CHSY3: variants seen among roughly 807,000 people sequenced by gnomAD.
CHSY3 encodes chondroitin sulfate synthase 3, also known as N-acetylgalactosaminyl-proteoglycan 3-beta-glucuronosyltransferase 3.
A neutral mutation model predicts 67.2 loss-of-function variants in CHSY3; 35 were observed. The observed-to-expected ratio is 0.52, with a 90% CI of 0.40 to 0.69. The LOEUF (loss-of-function observed/expected upper bound fraction) is 0.69. Ranked by LOEUF, CHSY3 falls within the 30% of genes least tolerant of loss-of-function variation. The pLI is 0.00. For missense variants in CHSY3, 1,069 were observed against 1,138.5 expected, an observed-to-expected ratio of 0.94 and a Z score of 0.88; for synonymous variants, 474 against 434.7, an observed-to-expected ratio of 1.09 and a Z score of -1.12.
At chr5:129,904,291 G>A (rs1335965165), upstream of CHSY3, among the ~76,000 whole-genome samples, 1 of 151,954 alleles carries the variant, frequency 6.6e-6, no homozygotes, top group Non-Finnish European at 1.5e-5. Context: ...GACGGGGGGC[G>A]TCCAAGGGCG....
intron 2 of CHSY3, among the ~76,000 whole-genome samples, chr5:130,086,403 G>T (rs1430288362): frequency 6.6e-6 from 1 of 151,942 alleles, no homozygotes; most frequent in African/African-American, 2.4e-5. Context: ...TTGGTTTAAA[G>T]TCTGTTTTAT....
intron 2 of CHSY3, among the ~76,000 whole-genome samples, chr5:130,169,897 G>A (rs1375677528): frequency 6.6e-6 from 1 of 152,010 alleles, no homozygotes; most frequent in African/African-American, 2.4e-5. Context: ...TATTTCCTCT[G>A]TGGATACAAT....
intron 2 of CHSY3, among the ~76,000 whole-genome samples, chr5:129,963,297 C>A (rs1762386242): frequency 6.6e-6 from 1 of 151,906 alleles, no homozygotes; most frequent in Admixed American, 6.6e-5. Context: ...TGATAGCTTA[C>A]TTGATTGTTA....
intron 2 of CHSY3, among the ~76,000 whole-genome samples, chr5:130,151,309 C>T (rs969395255): frequency 1.5e-4 from 23 of 152,222 alleles, no homozygotes; most frequent in African/African-American, 5.1e-4. Flanking sequence ...CAAAATGCCA[C>T]TTTTGGTGAG....
intron 2 of CHSY3, among the ~76,000 whole-genome samples, chr5:130,017,598 A>G (rs987514272): frequency 2.6e-5 from 4 of 152,122 alleles, no homozygotes; most frequent in Non-Finnish European, 5.9e-5. Context: ...ACAGGCTTTT[A>G]AAAAAATCTC....
At chr5:129,911,980 C>G (rs1197419223) in intron 2 of CHSY3, among the ~76,000 whole-genome samples, 1 of 152,010 alleles carries the variant, frequency 6.6e-6, no homozygotes, top group African/African-American at 2.4e-5. Context: ...GGCGTGAACC[C>G]GGGAGGCGGA....
chr5:129,998,356 G>A (rs1285601848), intron 2 of CHSY3, among the ~76,000 whole-genome samples: 1 of 152,144 alleles, frequency 6.6e-6, no homozygotes, highest in Admixed American at 6.6e-5. Context: ...TTCACTGTAA[G>A]GATATAAATC....
intron 2 of CHSY3, among the ~76,000 whole-genome samples, chr5:129,933,555 C>G (rs926196673): frequency 3.3e-5 from 5 of 152,022 alleles, no homozygotes; most frequent in African/African-American, 1.2e-4. Flanking sequence ...TTAAGAAGAT[C>G]TTTTAGTCAA....
chr5:130,063,063 G>A lies in CHSY3; in HGVS notation c.1087-121166G>A, dbSNP rs531954486. Among the ~76,000 whole-genome samples, 339 of 151,942 alleles carry A rather than the reference G, an allele frequency of 2.2e-3. 1 individual carries two copies. The highest frequency in any genetic ancestry group is 7.7e-3 in the African/African-American group (318 of 41,442). Reference sequence around the variant, plus strand: ...TGTTAAGATTCAGCAGTAGAATTTGGTCTTCTATATTAAATGGCTATGTCT... The same window carrying A: ...TGTTAAGATTCAGCAGTAGAATTTGATCTTCTATATTAAATGGCTATGTCT... On this transcript the variant is annotated intron_variant, in intron 2 of 2. Transcript: ENST00000305031.
At chr5:129,962,302 TCTC>T (rs1245325256) in intron 2 of CHSY3, among the ~76,000 whole-genome samples, 1 of 151,810 alleles carries the variant, frequency 6.6e-6, no homozygotes, top group Non-Finnish European at 1.5e-5. Context: ...ATTCATGAGA[TCTC>T]CTCCTCTCTC....
At chr5:130,168,229 C>T (rs1456059949) in intron 2 of CHSY3, among the ~76,000 whole-genome samples, 1 of 152,120 alleles carries the variant, frequency 6.6e-6, no homozygotes, top group Non-Finnish European at 1.5e-5. Flanking sequence ...TTCTCATTTA[C>T]TGTGGTCTCT....
intron 2 of CHSY3, among the ~76,000 whole-genome samples, chr5:129,938,739 G>A (rs1473242995): frequency 6.6e-6 from 1 of 152,140 alleles, no homozygotes; most frequent in Non-Finnish European, 1.5e-5. Flanking sequence ...ATCTCCATCT[G>A]AGACCTCCGC....
At chr5:130,105,909 T>C (rs1767400017) in intron 2 of CHSY3, among the ~76,000 whole-genome samples, 1 of 151,676 alleles carries the variant, frequency 6.6e-6, no homozygotes, top group Non-Finnish European at 1.5e-5. Flanking sequence ...ATAGTTATAA[T>C]TGAGTCAAAA....
At chr5:130,163,344 A>G (rs530269393) in intron 2 of CHSY3, among the ~76,000 whole-genome samples, 74 of 152,268 alleles carry the variant, frequency 4.9e-4, no homozygotes, top group African/African-American at 1.5e-3. Context: ...ATTAATAGAC[A>G]TATATATAGT....
At chr5:130,155,472 G>A (rs1264054120) in intron 2 of CHSY3, among the ~76,000 whole-genome samples, 1 of 152,158 alleles carries the variant, frequency 6.6e-6, no homozygotes, top group Admixed American at 6.6e-5. Flanking sequence ...CATGTTTAAT[G>A]CAACCTTCCA....
Position 129,904,549 on chromosome 5 carries a change from TGCTGCCGCC to T in CHSY3, c.-271_-263del, listed in dbSNP as rs904791756. The T allele has an allele frequency of 2.5e-5, 9 of 356,210 alleles. No individual in the cohort carries two copies. The highest frequency in any genetic ancestry group is 1.3e-4 in the African/African-American group (6 of 46,250). The allele number at this position is 356,210 out of a possible 1,614,324, so 22.1% of individuals were successfully genotyped here. On this transcript the variant is annotated 5_prime_UTR_variant, in exon 1 of 3. Coordinates refer to ENST00000305031, the MANE Select transcript of CHSY3 (RefSeq NM_175856.5). Reference sequence around the variant, plus strand: ...CTCCTGCAGCTCCTCCAGCTGCCGCTGCTGCCGCCGCTGCCGCCACCGCCGCCGCCGGGA... The same window carrying T: ...CTCCTGCAGCTCCTCCAGCTGCCGCTGCTGCCGCCACCGCCGCCGCCGGGA...
intron 2 of CHSY3, among the ~76,000 whole-genome samples, chr5:130,029,930 C>G (rs1764658680): frequency 6.6e-6 from 1 of 151,948 alleles, no homozygotes; most frequent in African/African-American, 2.4e-5. Context: ...TTTTGTATAG[C>G]CAAAAATGTA....
intron 2 of CHSY3, among the ~76,000 whole-genome samples, chr5:130,088,090 C>A (rs1294022982): frequency 2.6e-5 from 4 of 152,056 alleles, no homozygotes; most frequent in Non-Finnish European, 5.9e-5. Flanking sequence ...TGATCTTTGA[C>A]AAACCTGAGA....
Position 129,950,745 on chromosome 5 carries a change from A to G in CHSY3, c.1086+42385A>G, listed in dbSNP as rs147763888. Among the ~76,000 whole-genome samples, 191 of 152,332 alleles carry G rather than the reference A, an allele frequency of 1.3e-3. No homozygotes were observed. The East Asian group carries it at 0.025, about 20-fold the overall frequency. ...GTACACTGAAAACTGTAAAATATTG[A>G]TGAAAGAAATTAAGACACAAAGAAA... is the stretch of plus-strand genomic sequence containing the variant. On this transcript the variant is annotated intron_variant, in intron 2 of 2. Transcript: ENST00000305031.
Sources: allele counts gnomAD v4.1 joint callset (sites outside exome capture counted in the v4.1 genomes callset), GRCh38; gene constraint gnomAD v4.1.1; transcripts MANE v1.5; gene names NCBI Gene and HGNC (gene_info 2026-07-23, HGNC 2026-07-21).